NCALD: variants seen among roughly 807,000 people sequenced by gnomAD.
The protein encoded by NCALD is neurocalcin delta.
NCALD carries 10 observed loss-of-function variants against 18.6 expected under a neutral mutation model. The observed-to-expected ratio is 0.54, with a 90% CI of 0.33 to 0.91. The LOEUF (loss-of-function observed/expected upper bound fraction) is 0.91. Among genes scored for constraint, NCALD ranks in the 40% least tolerant of loss-of-function variants. NCALD has a pLI of 0.03. For synonymous variants in NCALD, 88 were observed against 87.4 expected (o/e 1.01, Z -0.04); for missense variants, 184 against 247.6 (o/e 0.74, Z 1.72).
intron 4 of NCALD, among the ~76,000 whole-genome samples, chr8:101,831,199 A>T (rs1037513554): frequency 1.3e-5 from 2 of 152,192 alleles, no homozygotes; most frequent in Non-Finnish European, 2.9e-5. Context: ...TACACCCTAC[A>T]TGTATAGGCC....
chr8:101,911,303 G>A (rs1196915656), intron 3 of NCALD, among the ~76,000 whole-genome samples: 1 of 149,296 alleles, frequency 6.7e-6, no homozygotes, highest in Non-Finnish European at 1.5e-5. Context: ...GGGAGAAGGA[G>A]AAGGGGGCCA....
intron 1 of NCALD, among the ~76,000 whole-genome samples, chr8:102,085,069 T>C (rs1332877153): frequency 6.6e-6 from 1 of 152,146 alleles, no homozygotes; most frequent in Non-Finnish European, 1.5e-5. Context: ...TCCTGCAGGG[T>C]CTGTACATGC....
chr8:101,807,957 G>A (rs1277709305), intron 4 of NCALD, among the ~76,000 whole-genome samples: 1 of 152,040 alleles, frequency 6.6e-6, no homozygotes, highest in African/African-American at 2.4e-5. Flanking sequence ...CTATGGAATG[G>A]AAAACAAGGT....
At chr8:102,004,487 TCAAG>T (rs1821615159) in intron 2 of NCALD, among the ~76,000 whole-genome samples, 2 of 152,148 alleles carry the variant, frequency 1.3e-5, no homozygotes, top group Non-Finnish European at 2.9e-5. Context: ...GCCATCCCCA[TCAAG>T]CTACCAATGA....
intron 1 of NCALD, among the ~76,000 whole-genome samples, chr8:102,064,721 G>A (rs1458727247): frequency 3.9e-5 from 6 of 152,136 alleles, no homozygotes; most frequent in Non-Finnish European, 8.8e-5. Context: ...TGAACCTGGT[G>A]TTCTAATGAT....
intron 1 of NCALD, among the ~76,000 whole-genome samples, chr8:102,051,447 C>T (rs1823456917): frequency 1.3e-5 from 2 of 152,138 alleles, no homozygotes; most frequent in Admixed American, 1.3e-4. Flanking sequence ...AAGCAATTCT[C>T]ACAGTTTCTA....
chr8:101,859,915 C>A (rs138623516), intron 4 of NCALD, among the ~76,000 whole-genome samples: 1,768 of 152,234 alleles, frequency 0.012, 21 homozygotes, highest in Admixed American at 0.018. Flanking sequence ...TTTTTAAAGA[C>A]CCCAATAGGG....
chr8:101,964,034 CCTTT>C (rs1427256481), intron 2 of NCALD, among the ~76,000 whole-genome samples: 2 of 152,128 alleles, frequency 1.3e-5, no homozygotes, highest in Non-Finnish European at 2.9e-5. Flanking sequence ...CTAAAATATG[CCTTT>C]CTTTAATTTC....
chr8:101,940,433 A>T (rs1024519790), intron 2 of NCALD, among the ~76,000 whole-genome samples: 2 of 152,348 alleles, frequency 1.3e-5, no homozygotes, highest in Admixed American at 1.3e-4. Context: ...AGAGGAGTCC[A>T]TTTTAGATAG....
chr8:101,868,124 GC>G (rs1478035616), intron 4 of NCALD, among the ~76,000 whole-genome samples: 1 of 152,122 alleles, frequency 6.6e-6, no homozygotes, highest in African/African-American at 2.4e-5. Flanking sequence ...CCACCTCCAG[GC>G]ATTCAATCAT....
intron 1 of NCALD, among the ~76,000 whole-genome samples, chr8:102,034,450 T>C (rs1449907444): frequency 1.3e-5 from 2 of 152,188 alleles, no homozygotes; most frequent in Non-Finnish European, 1.5e-5. Flanking sequence ...GGGCTGTGTA[T>C]GGATGAAAAA....
chr8:101,970,744 G>C (rs1296322116), intron 2 of NCALD, among the ~76,000 whole-genome samples: 1 of 152,184 alleles, frequency 6.6e-6, no homozygotes, highest in East Asian at 1.9e-4. Context: ...CTACAATGCT[G>C]TTCAAATCTG....
chr8:101,931,311 C>A (rs954748284), intron 2 of NCALD, among the ~76,000 whole-genome samples: 1 of 152,212 alleles, frequency 6.6e-6, no homozygotes, highest in South Asian at 2.1e-4. Context: ...GAAACCAAGG[C>A]TCCTCCAATA....
chr8:101,840,863 T>G (rs1336776344), intron 4 of NCALD, among the ~76,000 whole-genome samples: 1 of 152,212 alleles, frequency 6.6e-6, no homozygotes, highest in Admixed American at 6.5e-5. Flanking sequence ...AAAAAATCAT[T>G]GATTCGAATA....
In NCALD at chr8:101,726,451, G is replaced by T. The variant is rs142527909; in HGVS notation, c.-19-6803C>A. ...CCTGGTTGTATTCCAGGTACTGCTT[G>T]AAGGTAGAGCCAACAGGCTTGGTTG... is the stretch of plus-strand genomic sequence containing the variant. On this transcript the variant is annotated intron_variant, in intron 1 of 3. Coordinates refer to ENST00000220931, the MANE Select transcript of NCALD (RefSeq NM_032041.3). 3.3e-4 allele frequency among the ~76,000 whole-genome samples: 50 copies of T among 152,228 alleles called. 1 individual carries two copies. The East Asian group carries it at 8.5e-3, about 26-fold the overall frequency.
At chr8:101,717,678 C>T (rs1051982357) in intron 2 of NCALD, among the ~76,000 whole-genome samples, 2 of 151,922 alleles carry the variant, frequency 1.3e-5, no homozygotes, top group African/African-American at 4.8e-5. Flanking sequence ...TGCTGCAGAC[C>T]AGCTACAACA....
At chr8:101,807,654 T>A (rs1213751935) in intron 4 of NCALD, among the ~76,000 whole-genome samples, 2 of 152,172 alleles carry the variant, frequency 1.3e-5, no homozygotes, top group Non-Finnish European at 2.9e-5. Context: ...GAAAGGCACA[T>A]ACAAACTGTT....
At chr8:102,085,750 T>G (rs1025962328) in intron 1 of NCALD, among the ~76,000 whole-genome samples, 2 of 144,658 alleles carry the variant, frequency 1.4e-5, no homozygotes, top group African/African-American at 5.5e-5. Context: ...AGACTCTGTC[T>G]TTAAAAAAAA....
At chr8:101,850,366 G>A (rs1254863036) in intron 4 of NCALD, among the ~76,000 whole-genome samples, 1 of 152,094 alleles carries the variant, frequency 6.6e-6, no homozygotes, top group Non-Finnish European at 1.5e-5. Context: ...CTTCTTAACA[G>A]GTTTTATTTT....
Sources: allele counts gnomAD v4.1 joint callset (sites outside exome capture counted in the v4.1 genomes callset), GRCh38; gene constraint gnomAD v4.1.1; transcripts MANE v1.5; gene names NCBI Gene and HGNC (gene_info 2026-07-23, HGNC 2026-07-21).